The following NEGR1 variants were observed in gnomAD, a reference collection of about 807,000 sequenced individuals.
NEGR1 encodes IgLON family member 4.
NEGR1 carries 10 observed loss-of-function variants against 40.9 expected under a neutral mutation model. The observed-to-expected ratio is 0.24, with a 90% CI of 0.15 to 0.42. NEGR1 has a LOEUF of 0.42. NEGR1 is among the 10% of genes least tolerant of loss of function. The pLI is 1.00. For missense variants in NEGR1, 352 were observed against 438.9 expected, an observed-to-expected ratio of 0.80 and a Z score of 1.77; for synonymous variants, 185 against 166.8, an observed-to-expected ratio of 1.11 and a Z score of -0.84.
rs528245276 is a variant in NEGR1, at chr1:72,160,538, A to T, written c.176+121781T>A. Among the ~76,000 whole-genome samples, 366 of 152,272 alleles carry T rather than the reference A, an allele frequency of 2.4e-3. 2 individuals carry two copies. Among genetic ancestry groups the T allele is most frequent in the African/African-American group, 8.4e-3 (349 of 41,568 alleles). On this transcript the variant is annotated intron_variant, in intron 1 of 6. Coordinates refer to ENST00000357731, the MANE Select transcript of NEGR1 (RefSeq NM_173808.3). The stretch of plus-strand genomic sequence containing the variant: ...TCAATTACAGAAAGACCAAAGGAGC[A>T]GCAGAAATAAGTCAAATAGTTCAAG...
intron 1 of NEGR1, among the ~76,000 whole-genome samples, chr1:72,035,326 C>T (rs1039543802): frequency 1.3e-5 from 2 of 152,138 alleles, no homozygotes; most frequent in African/African-American, 4.8e-5. Flanking sequence ...GTCCTGAATT[C>T]TTTCTCAACT....
At chr1:71,572,814 C>T (rs1335223) in intron 6 of NEGR1, among the ~76,000 whole-genome samples, 92,488 of 151,506 alleles carry the variant, frequency 0.61, 28,713 homozygotes, top group Middle Eastern at 0.68. Flanking sequence ...CATAGCACCT[C>T]GGCTTCTGCT....
At chr1:71,993,998 A>G (rs1034108541) in intron 1 of NEGR1, among the ~76,000 whole-genome samples, 1 of 152,152 alleles carries the variant, frequency 6.6e-6, no homozygotes, top group Non-Finnish European at 1.5e-5. Context: ...TAATAAGTCT[A>G]TAAGTAGTAC....
chr1:72,002,359 C>A lies in NEGR1; in HGVS notation c.177-67048G>T, dbSNP rs72937644. Among the ~76,000 whole-genome samples, 359 of 151,964 alleles carry A rather than the reference C, an allele frequency of 2.4e-3. 1 individual carries two copies. The highest frequency in any genetic ancestry group is 8.2e-3 in the African/African-American group (341 of 41,460). On this transcript the variant is annotated intron_variant, in intron 1 of 6. Coordinates refer to ENST00000357731, the MANE Select transcript of NEGR1 (RefSeq NM_173808.3). ...AATAATTTTAAAGTATAGCAAGGTGCCTTTTCTAATTAATTTTTCATTCTC... is the reference window on the plus strand; with the variant it reads ...AATAATTTTAAAGTATAGCAAGGTGACTTTTCTAATTAATTTTTCATTCTC...
intron 1 of NEGR1, among the ~76,000 whole-genome samples, chr1:72,178,620 T>C (rs1652255848): frequency 6.6e-6 from 1 of 151,820 alleles, no homozygotes; most frequent in Admixed American, 6.6e-5. Flanking sequence ...CAATTAAACA[T>C]GACTAACTAA....
intron 1 of NEGR1, among the ~76,000 whole-genome samples, chr1:71,997,608 A>G (rs1646516419): frequency 6.6e-6 from 1 of 151,978 alleles, no homozygotes; most frequent in Admixed American, 6.6e-5. Context: ...CAGAAACAAC[A>G]CTATTTTTTG....
chr1:72,004,511 T>C (rs553545768), intron 1 of NEGR1, among the ~76,000 whole-genome samples: 1 of 152,238 alleles, frequency 6.6e-6, no homozygotes, highest in Non-Finnish European at 1.5e-5. Flanking sequence ...CTCAGACTCC[T>C]GGCCTCAAGT....
At chr1:72,064,340 C>G (rs1296308172) in intron 1 of NEGR1, among the ~76,000 whole-genome samples, 2 of 152,048 alleles carry the variant, frequency 1.3e-5, no homozygotes, top group Non-Finnish European at 1.5e-5. Context: ...AAGAAAGCCT[C>G]TAATCCTCTC....
At chr1:71,424,515 A>C (rs539583499) in intron 6 of NEGR1, among the ~76,000 whole-genome samples, 1 of 152,322 alleles carries the variant, frequency 6.6e-6, no homozygotes, top group South Asian at 2.1e-4. Flanking sequence ...ACTTTGTGAA[A>C]GATTTTGCAG....
intron 1 of NEGR1, among the ~76,000 whole-genome samples, chr1:72,179,021 T>G (rs1398005557): frequency 9.2e-5 from 14 of 152,032 alleles, no homozygotes; most frequent in Non-Finnish European, 2.1e-4. Flanking sequence ...TGTTGACACT[T>G]CCCAATTTTA....
Position 72,274,644 on chromosome 1 carries a change from A to C in NEGR1, c.176+7675T>G. 8 of 851,040 alleles carry C rather than the reference A, an allele frequency of 9.4e-6. No homozygotes were observed. In the South Asian group the frequency reaches 1.1e-4, roughly 11 times the overall value. 52.7% of individuals were successfully genotyped at this position (851,040 alleles called of 1,614,324 possible). A position where few individuals can be genotyped will look rare whatever the true frequency, so the allele number is the denominator to read the frequency against. ...TTGGAGAACTGCCCCAAGGATTTGC[A>C]AGGCTAAGTGCTATTTATGGAGGTA... is the stretch of plus-strand genomic sequence containing the variant. On this transcript the variant is annotated intron_variant, in intron 1 of 6. Coordinates refer to ENST00000357731, the MANE Select transcript of NEGR1 (RefSeq NM_173808.3).
intron 6 of NEGR1, among the ~76,000 whole-genome samples, chr1:71,452,451 C>T (rs185184982): frequency 4.6e-5 from 7 of 152,172 alleles, no homozygotes; most frequent in East Asian, 1.9e-4. Flanking sequence ...GGGGCTTCAA[C>T]GGGTCAAGAT....
intron 6 of NEGR1, among the ~76,000 whole-genome samples, chr1:71,474,440 G>A (rs905973515): frequency 7.3e-5 from 11 of 150,762 alleles, no homozygotes; most frequent in East Asian, 2.0e-4. Flanking sequence ...TTGGGAGGTC[G>A]AGGTGGGTGG....
chr1:72,099,143 A>C (rs1648831473), intron 1 of NEGR1, among the ~76,000 whole-genome samples: 1 of 151,918 alleles, frequency 6.6e-6, no homozygotes, highest in African/African-American at 2.4e-5. Context: ...TTAAAAATTT[A>C]TGTTTTAAAG....
At chr1:72,091,629 T>A (rs1312470958) in intron 1 of NEGR1, among the ~76,000 whole-genome samples, 1 of 152,118 alleles carries the variant, frequency 6.6e-6, no homozygotes, top group Non-Finnish European at 1.5e-5. Context: ...TAGGGAGAAC[T>A]GATTTTGCTT....
intron 3 of NEGR1, among the ~76,000 whole-genome samples, chr1:71,744,450 ACCTATATAT>A (rs1655319586): frequency 6.6e-6 from 1 of 151,774 alleles, no homozygotes; most frequent in Non-Finnish European, 1.5e-5. Flanking sequence ...ATCCACATAT[ACCTATATAT>A]CCATATCCAT....
chr1:71,480,416 CTCTA>C (rs1646847505), intron 6 of NEGR1, among the ~76,000 whole-genome samples: 1 of 151,936 alleles, frequency 6.6e-6, no homozygotes, highest in East Asian at 1.9e-4. Flanking sequence ...TTCTCCTTTT[CTCTA>C]TCTCTCTTCC....
At chr1:71,585,981 G>A (rs965647558) in intron 6 of NEGR1, among the ~76,000 whole-genome samples, 2 of 152,040 alleles carry the variant, frequency 1.3e-5, no homozygotes, top group African/African-American at 4.8e-5. Flanking sequence ...TAGACTAGTA[G>A]TGTATTGGCC....
intron 4 of NEGR1, among the ~76,000 whole-genome samples, chr1:71,624,247 T>C (rs1040165008): frequency 6.6e-6 from 1 of 151,994 alleles, no homozygotes; most frequent in African/African-American, 2.4e-5. Flanking sequence ...AAAATGCATC[T>C]GAAATCTTAT....
Sources: allele counts gnomAD v4.1 joint callset (sites outside exome capture counted in the v4.1 genomes callset), GRCh38; gene constraint gnomAD v4.1.1; transcripts MANE v1.5; gene names NCBI Gene and HGNC (gene_info 2026-07-23, HGNC 2026-07-21).